RAI1: variants seen among roughly 807,000 people sequenced by gnomAD.
RAI1 encodes the protein retinoic acid induced 1, also known as retinoic acid-induced protein 1.
In RAI1, 9 loss-of-function variants were observed where a neutral mutation model predicts 123.8. The ratio of observed to expected loss-of-function variants is 0.07; its 90% confidence interval spans 0.04 to 0.13. The LOEUF is 0.13. RAI1 is among the 10% of genes least tolerant of loss of function. RAI1 has a pLI of 1.00. For synonymous variants in RAI1, 1,231 were observed against 1,127.3 expected, an observed-to-expected ratio of 1.09 and a Z score of -1.84; for missense variants, 2,256 against 2,545.8, an observed-to-expected ratio of 0.89 and a Z score of 2.45.
chr17:17,744,515 A>C (rs1248037476), intron 2 of RAI1, among the ~76,000 whole-genome samples: 1 of 152,200 alleles, frequency 6.6e-6, no homozygotes, highest in Non-Finnish European at 1.5e-5. Context: ...AAGGCCGGGC[A>C]CGGTGGGTGG....
At chr17:17,765,512 C>T (rs1198352510) in intron 2 of RAI1, among the ~76,000 whole-genome samples, 6 of 152,260 alleles carry the variant, frequency 3.9e-5, no homozygotes, top group Admixed American at 1.3e-4. Context: ...CAGCCCCAAA[C>T]GGCAAGACGT....
intron 2 of RAI1, among the ~76,000 whole-genome samples, chr17:17,746,179 GC>G (rs1213915531): frequency 2.0e-5 from 3 of 152,222 alleles, no homozygotes; most frequent in Admixed American, 6.5e-5. Flanking sequence ...ACGGGTGATA[GC>G]CAAGCCCGGC....
intron 2 of RAI1, among the ~76,000 whole-genome samples, chr17:17,769,380 C>T (rs762505708): frequency 6.6e-5 from 10 of 152,326 alleles, no homozygotes; most frequent in Non-Finnish European, 1.5e-4. Flanking sequence ...CAGCCCGGGT[C>T]GGATCTCAGA....
At chr17:17,707,596 A>G (rs1408255885) in intron 1 of RAI1, among the ~76,000 whole-genome samples, 1 of 152,000 alleles carries the variant, frequency 6.6e-6, no homozygotes, top group Non-Finnish European at 1.5e-5. Context: ...TTCCTGGAAG[A>G]CTGTTTGTTT....
Position 17,810,733 on chromosome 17 carries a change from GTCC to G in RAI1, c.*756_*758del. 2.3e-6 allele frequency: 1 copy of G among 441,578 alleles called. No individual in the cohort carries two copies. The highest frequency in any genetic ancestry group is 4.6e-6 in the Non-Finnish European group (1 of 217,038). 27.4% of individuals were successfully genotyped at this position (441,578 alleles called of 1,614,324 possible). A position where few individuals can be genotyped will look rare whatever the true frequency, so the allele number is the denominator to read the frequency against. On this transcript the variant is annotated 3_prime_UTR_variant, in exon 6 of 6. Coordinates refer to ENST00000353383, the MANE Select transcript of RAI1 (RefSeq NM_030665.4). The surrounding 1 kb of genome is among the most constrained non-coding windows in gnomAD (Gnocchi z 4.6). ...TTGGCCTCTGTTTGTCCCCTTTCCA[GTCC>G]TCCACCCCACCCCTGGAGCCCAGCC...
At chr17:17,712,261 A>G (rs1436086966) in intron 1 of RAI1, among the ~76,000 whole-genome samples, 1 of 152,206 alleles carries the variant, frequency 6.6e-6, no homozygotes, top group African/African-American at 2.4e-5. Flanking sequence ...TTAGTGGGAG[A>G]AGACAGTGAA....
intron 1 of RAI1, among the ~76,000 whole-genome samples, chr17:17,696,145 A>T (rs773375021): frequency 1.6e-4 from 24 of 152,162 alleles, no homozygotes; most frequent in Non-Finnish European, 3.5e-4. Flanking sequence ...AAAAAAGTAA[A>T]AACTTTATAA....
At chr17:17,737,316 C>T (rs1246628757) in intron 2 of RAI1, among the ~76,000 whole-genome samples, 1 of 152,136 alleles carries the variant, frequency 6.6e-6, no homozygotes, top group African/African-American at 2.4e-5. Flanking sequence ...ACCTGTGGTC[C>T]TTGTTTTGCA....
chr17:17,708,417 C>A (rs1224987738), intron 1 of RAI1, among the ~76,000 whole-genome samples: 1 of 127,186 alleles, frequency 7.9e-6, no homozygotes, highest in Admixed American at 7.5e-5. Flanking sequence ...TATATACACA[C>A]ACACACACAC....
At position 17,799,447 on chromosome 17, in the gene RAI1, TG is replaced by T. The variant is rs954548237; in HGVS notation, c.5565+938del. Among the ~76,000 whole-genome samples the T allele has an allele frequency of 2.6e-5, 4 of 152,114 alleles. No homozygotes were observed. Among genetic ancestry groups the T allele is most frequent in the African/African-American group, 9.6e-5 (4 of 41,498 alleles). ...CTGAGGGAGGGGTCAGTGGGGGCGG[TG>T]GGGTGCACCTCTCCCCCGGGGCCAT... is the stretch of plus-strand genomic sequence containing the variant. On this transcript the variant is annotated intron_variant, in intron 3 of 5. Transcript: ENST00000353383. This position sits in a 1 kb window ranked among gnomAD's most constrained non-coding sequence, Gnocchi z 4.5.
chr17:17,706,722 A>T (rs1915406836), intron 1 of RAI1, among the ~76,000 whole-genome samples: 2 of 152,304 alleles, frequency 1.3e-5, no homozygotes, highest in Non-Finnish European at 1.5e-5. Context: ...CCTCCTGCCC[A>T]TAGACAAACC....
At chr17:17,778,828 G>A (rs1374979052) in intron 2 of RAI1, 1 of 456,666 alleles carries the variant, frequency 2.2e-6, no homozygotes, top group African/African-American at 2.0e-5. Flanking sequence ...AGCTGGAAGA[G>A]GCTCTCTCCC....
chr17:17,804,062 T>A (rs928610167), intron 4 of RAI1: 1 of 671,448 alleles, frequency 1.5e-6, no homozygotes, highest in Non-Finnish European at 2.8e-6. Flanking sequence ...AGGCACCTGC[T>A]TGAGGAGTGC....
intron 2 of RAI1, among the ~76,000 whole-genome samples, chr17:17,743,935 G>T (rs183727067): frequency 3.3e-5 from 5 of 152,352 alleles, no homozygotes; most frequent in African/African-American, 1.2e-4. Flanking sequence ...TCAGGGCAGG[G>T]AGGGGAGCTA....
rs145190330 is a variant in RAI1 at position 17,687,323 on chromosome 17, T to C, written c.-149+5530T>C. On this transcript the variant is annotated intron_variant, in intron 1 of 5. Transcript: ENST00000353383. ...GGACTGCTGGGGAGTCTTCCTTTCC[T>C]CTCTGGCCTCGGTCTCATCTGTAAA... Among the ~76,000 whole-genome samples the C allele has an allele frequency of 3.3e-5, 5 of 152,230 alleles. No individual in the cohort carries two copies. In the East Asian group the frequency reaches 9.7e-4, roughly 29 times the overall value.
rs780157776 is a variant in RAI1 at position 17,793,655 on chromosome 17, A to T, written c.707A>T (p.Tyr236Phe). ...VQGGGQGAHSYKSCTAPTAQP... is the reference protein window; with the variant it reads ...VQGGGQGAHSFKSCTAPTAQP... ...GGTGGTGGGCAGGGGGCCCACTCCT[A>T]TAAGAGTTGCACAGCACCGACTGCC... is the stretch of plus-strand genomic sequence containing the variant. The change falls in exon 3 of 6, where the codon TAT becomes TTT. Residue 236 changes from tyrosine to phenylalanine, a missense_variant. By Grantham distance (22) the Tyr-to-Phe change is conservative (BLOSUM62 3). Transcript: ENST00000353383. The T allele has an allele frequency of 3.7e-6, 6 of 1,613,086 alleles. No homozygotes were observed. The South Asian group carries it at 4.4e-5, about 12-fold the overall frequency.
At chr17:17,777,059 T>G (rs926740677) in intron 2 of RAI1, 1 of 152,162 alleles carries the variant, frequency 6.6e-6, no homozygotes, top group Non-Finnish European at 1.5e-5. Flanking sequence ...ACTCAGCCAA[T>G]AGAACCTCCC....
intron 4 of RAI1, among the ~76,000 whole-genome samples, chr17:17,808,081 A>C (rs1014581585): frequency 6.6e-6 from 1 of 152,172 alleles, no homozygotes; most frequent in East Asian, 1.9e-4. Flanking sequence ...AGAGAGCACC[A>C]GCCTCCAGCT....
intron 2 of RAI1, among the ~76,000 whole-genome samples, chr17:17,758,784 G>T (rs961518319): frequency 3.9e-5 from 6 of 152,208 alleles, no homozygotes; most frequent in African/African-American, 1.2e-4. Context: ...GGGGGCTGAT[G>T]CTGGGCAGGG....
Sources: gnomAD v4.1 joint callset for allele counts (sites outside exome capture counted in the v4.1 genomes callset) on GRCh38, gnomAD v4.1.1 for gene constraint, Gnocchi (gnomAD v3.1) non-coding constraint, MANE v1.5 for transcripts, NCBI Gene and HGNC (gene_info 2026-07-23, HGNC 2026-07-21) for gene names.